The following ROR2 variants were observed in gnomAD, a reference collection of about 807,000 sequenced individuals.
The protein encoded by ROR2 is tyrosine-protein kinase transmembrane receptor ROR2.
In ROR2, 33 loss-of-function variants were observed where a neutral mutation model predicts 74.9. The ratio of observed to expected loss-of-function variants is 0.44; its 90% CI spans 0.33 to 0.59. The LOEUF (loss-of-function observed/expected upper bound fraction) is 0.59, where lower values mean the gene tolerates loss of function less well. Among genes scored for constraint, ROR2 ranks in the 20% least tolerant of loss-of-function variants. ROR2 has a pLI of 0.02. For synonymous variants in ROR2, 586 were observed against 558.7 expected, an observed-to-expected ratio of 1.05 and a Z score of -0.69; for missense variants, 1,216 against 1,313.8, an observed-to-expected ratio of 0.93 and a Z score of 1.15.
chr9:91,858,929 TA>T (rs1391814594), intron 1 of ROR2, among the ~76,000 whole-genome samples: 2 of 152,104 alleles, frequency 1.3e-5, no homozygotes, highest in East Asian at 1.9e-4. Context: ...CATCGGGCTC[TA>T]TTGCCCACCT....
chr9:91,844,147 A>G (rs2119224818), intron 1 of ROR2, among the ~76,000 whole-genome samples: 1 of 152,260 alleles, frequency 6.6e-6, no homozygotes, highest in South Asian at 2.1e-4. Flanking sequence ...GTGTTTTCCT[A>G]TTTCAGGGTG....
chr9:91,937,507 A>G (rs902657012), intron 1 of ROR2, among the ~76,000 whole-genome samples: 1 of 152,046 alleles, frequency 6.6e-6, no homozygotes, highest in Non-Finnish European at 1.5e-5. Flanking sequence ...AGCCTACTCA[A>G]TAAGCTGACT....
intron 1 of ROR2, among the ~76,000 whole-genome samples, chr9:91,913,644 T>C (rs920154069): frequency 6.6e-6 from 1 of 152,172 alleles, no homozygotes; most frequent in Non-Finnish European, 1.5e-5. Flanking sequence ...CTCTAATGGA[T>C]TTACTCTCTA....
chr9:91,737,041 G>A (rs1825053393), intron 5 of ROR2, among the ~76,000 whole-genome samples: 2 of 152,230 alleles, frequency 1.3e-5, no homozygotes, highest in African/African-American at 4.8e-5. Flanking sequence ...GAGTGTGGGG[G>A]CGCTGAGGCT....
intron 1 of ROR2, among the ~76,000 whole-genome samples, chr9:91,868,976 T>C (rs1371051861): frequency 2.6e-5 from 4 of 152,244 alleles, no homozygotes; most frequent in African/African-American, 9.6e-5. Context: ...CATACACTTA[T>C]GTCACCAGTA....
intron 1 of ROR2, among the ~76,000 whole-genome samples, chr9:91,844,858 G>T (rs1161012404): frequency 6.6e-6 from 1 of 152,150 alleles, no homozygotes; most frequent in South Asian, 2.1e-4. Flanking sequence ...GTCCTTGCAT[G>T]CTCCCATGGG....
chr9:91,727,037 T>C (rs1434616884), intron 7 of ROR2, among the ~76,000 whole-genome samples: 2 of 152,160 alleles, frequency 1.3e-5, no homozygotes, highest in Non-Finnish European at 1.5e-5. Flanking sequence ...AACGACCACA[T>C]CCGCTTTCTG....
intron 1 of ROR2, among the ~76,000 whole-genome samples, chr9:91,856,176 G>A (rs920474593): frequency 2.6e-5 from 4 of 152,164 alleles, no homozygotes; most frequent in Admixed American, 2.0e-4. Context: ...GGGCAACATG[G>A]CAAGACCCTG....
chr9:91,947,497 C>T (rs1832040480), intron 1 of ROR2, among the ~76,000 whole-genome samples: 1 of 152,180 alleles, frequency 6.6e-6, no homozygotes, highest in African/African-American at 2.4e-5. Flanking sequence ...TCTTCTTATT[C>T]AAGATGTTTC....
At chr9:91,792,509 C>A (rs542256039) in intron 1 of ROR2, among the ~76,000 whole-genome samples, 1 of 152,022 alleles carries the variant, frequency 6.6e-6, no homozygotes, top group Admixed American at 6.6e-5. Context: ...TGGGTTTCAC[C>A]GTGTTAGCCA....
At chr9:91,919,993 G>T (rs1831224824) in intron 1 of ROR2, among the ~76,000 whole-genome samples, 1 of 152,094 alleles carries the variant, frequency 6.6e-6, no homozygotes, top group Admixed American at 6.5e-5. Flanking sequence ...GCCCCACCAG[G>T]CTCCCTTGAC....
intron 6 of ROR2, among the ~76,000 whole-genome samples, chr9:91,732,409 G>A (rs1396001877): frequency 3.3e-5 from 5 of 152,128 alleles, no homozygotes; most frequent in Admixed American, 6.5e-5. Flanking sequence ...CATGCTCTTC[G>A]TCCTGTGCAG....
intron 4 of ROR2, among the ~76,000 whole-genome samples, chr9:91,738,126 G>T (rs910026859): frequency 6.6e-6 from 1 of 152,080 alleles, no homozygotes; most frequent in African/African-American, 2.4e-5. Flanking sequence ...AAAACATAAA[G>T]AATAAGCCCT....
At chr9:91,873,014 A>G (rs1388138779) in intron 1 of ROR2, among the ~76,000 whole-genome samples, 2 of 152,348 alleles carry the variant, frequency 1.3e-5, no homozygotes, top group Admixed American at 6.5e-5. Context: ...TCTTGGAGAC[A>G]TGACTATTTA....
chr9:91,917,897 T>C (rs1010943757), intron 1 of ROR2, among the ~76,000 whole-genome samples: 1 of 152,184 alleles, frequency 6.6e-6, no homozygotes, highest in Non-Finnish European at 1.5e-5. Flanking sequence ...GCTTTATAAG[T>C]AGAAAGCTCA....
chr9:91,832,123 C>T (rs1006930254), intron 1 of ROR2, among the ~76,000 whole-genome samples: 2 of 152,076 alleles, frequency 1.3e-5, no homozygotes, highest in Non-Finnish European at 2.9e-5. Flanking sequence ...ATGAATCTCT[C>T]ATAGAGCCCA....
At chr9:91,831,652 G>C (rs190434485) in intron 1 of ROR2, among the ~76,000 whole-genome samples, 2 of 152,200 alleles carry the variant, frequency 1.3e-5, no homozygotes, top group Admixed American at 1.3e-4. Flanking sequence ...GCGCATGCCT[G>C]TAATCTCAGC....
chr9:91,736,273 G>C (rs950118802), intron 5 of ROR2, among the ~76,000 whole-genome samples: 3 of 152,170 alleles, frequency 2.0e-5, no homozygotes, highest in Admixed American at 6.5e-5. Flanking sequence ...CAGCACATGG[G>C]CCAGGCAGTC....
At chr9:91,874,063 T>C (rs1829883108) in intron 1 of ROR2, among the ~76,000 whole-genome samples, 1 of 151,858 alleles carries the variant, frequency 6.6e-6, no homozygotes, top group Non-Finnish European at 1.5e-5. Context: ...CCATAGAAAA[T>C]CAAGTCAGGG....
Sources: gnomAD v4.1 joint callset for allele counts (sites outside exome capture counted in the v4.1 genomes callset) on GRCh38, gnomAD v4.1.1 for gene constraint, MANE v1.5 for transcripts, NCBI Gene and HGNC (gene_info 2026-07-23, HGNC 2026-07-21) for gene names.